The following PCDHA3 variants were observed in gnomAD, a reference collection of about 807,000 sequenced individuals.
The protein encoded by PCDHA3 is protocadherin alpha 3.
In PCDHA3, 41 loss-of-function variants were observed where a neutral mutation model predicts 62.2. That is an observed-to-expected ratio of 0.66 (90% confidence interval 0.51 to 0.86). The LOEUF (loss-of-function observed/expected upper bound fraction) is 0.86. PCDHA3 is among the 40% of genes least tolerant of loss of function. PCDHA3 has a pLI of 0.00. For missense variants in PCDHA3, 1,304 were observed against 1,241.2 expected (o/e 1.05, Z -0.76); for synonymous variants, 640 against 555.4 (o/e 1.15, Z -2.14).
chr5:140,822,611 T>G (rs1767365193), intron 1 of PCDHA3: 1 of 1,611,486 alleles, frequency 6.2e-7, no homozygotes, highest in African/African-American at 1.3e-5. Flanking sequence ...ATAGTGTATT[T>G]CTTTAGTAAT....
chr5:140,933,539 G>A (rs1173969458), intron 1 of PCDHA3, among the ~76,000 whole-genome samples: 1 of 152,018 alleles, frequency 6.6e-6, no homozygotes, highest in Non-Finnish European at 1.5e-5. Flanking sequence ...TCAAAATAAT[G>A]TTAATATAAA....
At chr5:140,892,811 T>C (rs1554185379) in intron 1 of PCDHA3, among the ~76,000 whole-genome samples, 1 of 152,210 alleles carries the variant, frequency 6.6e-6, no homozygotes, top group Non-Finnish European at 1.5e-5. Context: ...TAACCATATT[T>C]ATCCTACAGT....
At chr5:140,860,361 A>G (rs2046358077) in intron 1 of PCDHA3, 2 of 152,182 alleles carry the variant, frequency 1.3e-5, no homozygotes, top group African/African-American at 4.8e-5. Flanking sequence ...AGCCTGGATG[A>G]CAAAGTGAGA....
intron 1 of PCDHA3, chr5:140,967,438 C>T: frequency 6.2e-7 from 1 of 1,613,548 alleles, no homozygotes; most frequent in South Asian, 1.1e-5. Flanking sequence ...CCTTGCACCA[C>T]CTGGTTCTCA....
At chr5:140,819,454 G>A (rs2150104376) in intron 1 of PCDHA3, among the ~76,000 whole-genome samples, 76,209 of 151,886 alleles carry the variant, frequency 0.5, 19,326 homozygotes, top group Middle Eastern at 0.62. Context: ...TTTTCTCAAG[G>A]AAGAACTTCT....
chr5:140,903,550 C>T lies in PCDHA3; in HGVS notation c.2395-75399C>T, dbSNP rs139225982. 2.6e-3 allele frequency among the ~76,000 whole-genome samples: 396 copies of T among 152,250 alleles called. 2 individuals carry two copies. The highest frequency in any genetic ancestry group is 9.3e-3 in the African/African-American group (385 of 41,564). The stretch of plus-strand genomic sequence containing the variant: ...CTTTAAACTAGAGCAAGAAACTTTT[C>T]TAATAAGTGGAATTGGGAGCTGTCT... On this transcript the variant is annotated intron_variant, in intron 1 of 3. Transcript: ENST00000522353.
intron 3 of PCDHA3, among the ~76,000 whole-genome samples, chr5:140,993,075 G>A (rs531612224): frequency 1.3e-3 from 191 of 152,324 alleles, no homozygotes; most frequent in African/African-American, 4.5e-3. Flanking sequence ...CCTGCAGTCT[G>A]CAATCAGCAG....
Position 140,842,658 on chromosome 5 carries a change from C to G in PCDHA3, c.2394+39067C>G, listed in dbSNP as rs2150341323. 21 of 1,595,206 alleles carry G rather than the reference C, an allele frequency of 1.3e-5. 2 individuals are homozygous for G. The highest frequency in any genetic ancestry group is 2.7e-5 in the African/African-American group (2 of 74,162). On this transcript the variant is annotated intron_variant, in intron 1 of 3. Transcript: ENST00000522353. ...ACCGCCAGCTTGTCTGTGGAGGTGG[C>G]CGACGTGAACGACAATGCTCCGGCG...
chr5:140,978,688 G>A (rs1258023605), intron 1 of PCDHA3, among the ~76,000 whole-genome samples: 2 of 152,238 alleles, frequency 1.3e-5, no homozygotes, highest in African/African-American at 4.8e-5. Context: ...TATTGGGCAA[G>A]GCAAAGCCAA....
At chr5:140,835,603 T>G (rs2150239266) in intron 1 of PCDHA3, 10 of 1,613,804 alleles carry the variant, frequency 6.2e-6, no homozygotes, top group Non-Finnish European at 1.7e-6. Context: ...TACTATTCAT[T>G]GGTGCTGGAC....
At position 140,856,500 on chromosome 5, in the gene PCDHA3, T is replaced by G. The variant is rs371158035; in HGVS notation, c.2394+52909T>G. 1.4e-5 allele frequency: 22 copies of G among 1,598,280 alleles called. 1 individual carries two copies. The African/African-American group carries it at 3.0e-4, about 22-fold the overall frequency. ...GAATCCAGACTGCTTGACTCTCGAT[T>G]TCCACTAGAAGGCGCATCTGATGCG... On this transcript the variant is annotated intron_variant, in intron 1 of 3. Transcript: ENST00000522353.
chr5:140,841,647 T>A (rs1580971695), intron 1 of PCDHA3: 1 of 1,614,144 alleles, frequency 6.2e-7, no homozygotes, highest in East Asian at 2.2e-5. Context: ...CTGGAGGTGA[T>A]CGTGGACAGG....
At chr5:140,882,950 C>A in intron 1 of PCDHA3, 1 of 1,614,216 alleles carries the variant, frequency 6.2e-7, no homozygotes, top group Non-Finnish European at 8.5e-7. Context: ...CACAGTTCAG[C>A]TGCTCATCAC....
At chr5:140,856,629 T>C (rs782588371) in intron 1 of PCDHA3, 2 of 1,598,078 alleles carry the variant, frequency 1.3e-6, no homozygotes, top group African/African-American at 2.7e-5. Flanking sequence ...CCAGTGCTTG[T>C]TCTGCGGAAG....
At chr5:140,945,569 A>C (rs575302416) in intron 1 of PCDHA3, among the ~76,000 whole-genome samples, 2 of 152,256 alleles carry the variant, frequency 1.3e-5, no homozygotes, top group South Asian at 4.1e-4. Context: ...ACATCATACT[A>C]CCTGGCTTCA....
intron 1 of PCDHA3, among the ~76,000 whole-genome samples, chr5:140,942,639 G>C (rs923095335): frequency 1.3e-5 from 2 of 151,806 alleles, no homozygotes; most frequent in African/African-American, 2.4e-5. Flanking sequence ...AATGGCAAAA[G>C]AGATCTCATT....
chr5:140,990,825 AAGCCTATTAGCAAAAATAG>A (rs2097418390), intron 3 of PCDHA3, among the ~76,000 whole-genome samples: 1 of 152,202 alleles, frequency 6.6e-6, no homozygotes, highest in Non-Finnish European at 1.5e-5. Flanking sequence ...CTCTCAGCTA[AAGCCTATTAGCAAAAATAG>A]AGCCCTGAGG....
intron 1 of PCDHA3, chr5:140,877,349 T>C (rs1554169631): frequency 1.2e-6 from 2 of 1,613,984 alleles, no homozygotes; most frequent in Admixed American, 3.3e-5. Context: ...CACGTGGGGC[T>C]GTACACTGGC....
At chr5:140,953,996 T>C (rs989520486) in intron 1 of PCDHA3, among the ~76,000 whole-genome samples, 1 of 152,158 alleles carries the variant, frequency 6.6e-6, no homozygotes, top group African/African-American at 2.4e-5. Context: ...TCATGTGTAC[T>C]CATCATTCAG....
Sources: gnomAD v4.1 joint callset for allele counts (sites outside exome capture counted in the v4.1 genomes callset) on GRCh38, gnomAD v4.1.1 for gene constraint, MANE v1.5 for transcripts, NCBI Gene and HGNC (gene_info 2026-07-23, HGNC 2026-07-21) for gene names.